L3MBTL4: variants seen among roughly 807,000 people sequenced by gnomAD.
L3MBTL4 encodes the protein lethal(3)malignant brain tumor-like protein 4.
Under a neutral mutation model 84.5 loss-of-function variants are expected in L3MBTL4, and 70 were observed. The ratio of observed to expected loss-of-function variants is 0.83; its 90% CI spans 0.68 to 1.01. L3MBTL4 has a LOEUF of 1.01. Ranked by LOEUF, L3MBTL4 falls within the 50% of genes least tolerant of loss-of-function variation. L3MBTL4 has a pLI of 0.00. For missense variants in L3MBTL4, 715 were observed against 754.8 expected (o/e 0.95, Z 0.62); for synonymous variants, 274 against 259.8 (o/e 1.05, Z -0.52).
chr18:6,000,606 T>A (rs1392865381), intron 16 of L3MBTL4, among the ~76,000 whole-genome samples: 2 of 152,128 alleles, frequency 1.3e-5, no homozygotes, highest in African/African-American at 4.8e-5. Context: ...ATCAAAACAA[T>A]GAAACAGAGC....
chr18:6,013,627 G>A (rs1362569610), intron 16 of L3MBTL4, among the ~76,000 whole-genome samples: 5 of 152,260 alleles, frequency 3.3e-5, no homozygotes, highest in South Asian at 2.1e-4. Flanking sequence ...CTGGTCCAAC[G>A]TCCCTGCCAT....
At chr18:6,097,981 A>G (rs1274783010) in intron 14 of L3MBTL4, among the ~76,000 whole-genome samples, 3 of 152,132 alleles carry the variant, frequency 2.0e-5, no homozygotes, top group Non-Finnish European at 2.9e-5. Context: ...GTGCCCGCCA[A>G]TTGGGATCCC....
chr18:6,381,226 T>A (rs2144350901), intron 1 of L3MBTL4, among the ~76,000 whole-genome samples: 1 of 152,362 alleles, frequency 6.6e-6, no homozygotes, highest in Non-Finnish European at 1.5e-5. Flanking sequence ...TATGTGTGTC[T>A]TTGCACATGA....
At chr18:6,246,048 T>G (rs2047651507) in intron 5 of L3MBTL4, among the ~76,000 whole-genome samples, 2 of 152,218 alleles carry the variant, frequency 1.3e-5, no homozygotes, top group South Asian at 4.1e-4. Flanking sequence ...ATACTTGAAT[T>G]GATTGGCAAA....
intron 1 of L3MBTL4, chr18:6,397,279 C>G (rs1489419293): frequency 6.6e-6 from 1 of 152,186 alleles, no homozygotes; most frequent in Non-Finnish European, 1.5e-5. Context: ...AGCACATTAT[C>G]TTATTTAGAA....
At chr18:6,070,367 A>C (rs1598631687) in intron 16 of L3MBTL4, among the ~76,000 whole-genome samples, 2 of 152,204 alleles carry the variant, frequency 1.3e-5, no homozygotes, top group East Asian at 3.8e-4. Context: ...TCTTGAGAGA[A>C]ACAATAGAAG....
At chr18:5,976,593 A>C (rs1267658380) in intron 16 of L3MBTL4, among the ~76,000 whole-genome samples, 1 of 152,166 alleles carries the variant, frequency 6.6e-6, no homozygotes, top group Admixed American at 6.5e-5. Context: ...GAGGTCATGG[A>C]CAGTCTAGAG....
intron 14 of L3MBTL4, among the ~76,000 whole-genome samples, chr18:6,097,491 C>T (rs2058680130): frequency 6.6e-6 from 1 of 152,150 alleles, no homozygotes; most frequent in African/African-American, 2.4e-5. Flanking sequence ...GGGTGTGGTC[C>T]AGGAGGCTCC....
intron 14 of L3MBTL4, among the ~76,000 whole-genome samples, chr18:6,109,445 C>T (rs2059120398): frequency 6.6e-6 from 1 of 152,068 alleles, no homozygotes; most frequent in Admixed American, 6.5e-5. Context: ...CAGTGACAGC[C>T]CTGTGGGTGA....
intron 1 of L3MBTL4, among the ~76,000 whole-genome samples, chr18:6,362,193 A>AGGG (rs2053730919): frequency 9.7e-6 from 1 of 102,880 alleles, no homozygotes; most frequent in African/African-American, 4.3e-5. Context: ...GGAAGGAAGG[A>AGGG]AGGGAGGGAG....
At chr18:6,361,281 C>T (rs529743579) in intron 1 of L3MBTL4, among the ~76,000 whole-genome samples, 2 of 152,286 alleles carry the variant, frequency 1.3e-5, no homozygotes, top group South Asian at 4.1e-4. Context: ...ACACTAAATT[C>T]AGTCCTCTTT....
chr18:6,319,718 A>C (rs1224630148), intron 1 of L3MBTL4, among the ~76,000 whole-genome samples: 1 of 152,186 alleles, frequency 6.6e-6, no homozygotes, highest in East Asian at 1.9e-4. Flanking sequence ...AATTGGTGCC[A>C]GTCCTTCTGA....
At position 6,304,029 on chromosome 18, in the gene L3MBTL4, A is replaced by C. The variant is rs564314865; in HGVS notation, c.73-2072T>G. Among the ~76,000 whole-genome samples the C allele has an allele frequency of 1.1e-3, 163 of 142,920 alleles. 1 individual carries two copies. The highest frequency in any genetic ancestry group is 3.6e-3 in the African/African-American group (135 of 38,006). 93.8% of individuals were successfully genotyped at this position (142,920 alleles called of 152,430 possible). On this transcript the variant is annotated intron_variant, in intron 3 of 18. Transcript: ENST00000317931. ...AACTCCATCTCAAAAAAAAAAAAAAACAAAAAAAAAAGACTGCACATAGTG... is the reference window on the plus strand; with the variant it reads ...AACTCCATCTCAAAAAAAAAAAAAACCAAAAAAAAAAGACTGCACATAGTG...
intron 16 of L3MBTL4, among the ~76,000 whole-genome samples, chr18:6,051,718 T>C (rs1598571662): frequency 6.6e-6 from 1 of 152,116 alleles, no homozygotes; most frequent in East Asian, 1.9e-4. Flanking sequence ...CCTTCCTGTA[T>C]TTGTGGGACT....
intron 14 of L3MBTL4, among the ~76,000 whole-genome samples, chr18:6,135,168 A>G (rs956521966): frequency 2.6e-5 from 4 of 152,184 alleles, no homozygotes; most frequent in African/African-American, 9.7e-5. Context: ...TTTCAGCCAC[A>G]GCTGGAGCAG....
chr18:6,125,190 G>A (rs1161332716), intron 14 of L3MBTL4, among the ~76,000 whole-genome samples: 1 of 151,884 alleles, frequency 6.6e-6, no homozygotes, highest in Non-Finnish European at 1.5e-5. Flanking sequence ...AAGGAAGGAA[G>A]GAAGGGAGGG....
chr18:6,338,420 C>T (rs1739643902), intron 1 of L3MBTL4, among the ~76,000 whole-genome samples: 1 of 151,796 alleles, frequency 6.6e-6, no homozygotes, highest in Admixed American at 6.6e-5. Flanking sequence ...AATTAATATC[C>T]ATATCAACAA....
intron 1 of L3MBTL4, among the ~76,000 whole-genome samples, chr18:6,326,963 G>T (rs115342238): frequency 0.018 from 2,807 of 152,100 alleles, 87 homozygotes; most frequent in African/African-American, 0.064. Flanking sequence ...TATGCACAGG[G>T]GAAAATAACT....
intron 1 of L3MBTL4, among the ~76,000 whole-genome samples, chr18:6,339,380 T>A (rs2052498901): frequency 6.6e-6 from 1 of 152,202 alleles, no homozygotes; most frequent in African/African-American, 2.4e-5. Context: ...GGAAATTGAA[T>A]GCTTCTAATA....
Sources: gnomAD v4.1 joint callset for allele counts (sites outside exome capture counted in the v4.1 genomes callset) on GRCh38, gnomAD v4.1.1 for gene constraint, MANE v1.5 for transcripts, NCBI Gene and HGNC (gene_info 2026-07-23, HGNC 2026-07-21) for gene names.